The following PDZRN4 variants were observed in gnomAD, a reference collection of about 807,000 sequenced individuals.
PDZRN4 encodes the protein PDZ domain containing ring finger 4.
PDZRN4 carries 70 observed loss-of-function variants against 99.0 expected under a neutral mutation model. That is an observed-to-expected ratio of 0.71 (90% confidence interval 0.58 to 0.86). The LOEUF is 0.86. PDZRN4 is among the 40% of genes least tolerant of loss of function. The probability of loss-of-function intolerance (pLI) is 0.00; values close to 1 mark genes in which losing one functional copy is unlikely to be tolerated. For missense variants in PDZRN4, 1,474 were observed against 1,331.2 expected, an observed-to-expected ratio of 1.11 and a Z score of -1.67; for synonymous variants, 551 against 501.6, an observed-to-expected ratio of 1.10 and a Z score of -1.32.
At chr12:41,418,790 A>G (rs1362526880) in intron 3 of PDZRN4, among the ~76,000 whole-genome samples, 10 of 152,086 alleles carry the variant, frequency 6.6e-5, no homozygotes, top group Admixed American at 3.9e-4. Context: ...CAGCCAAGGG[A>G]AAAGGGTTTG....
intron 7 of PDZRN4, among the ~76,000 whole-genome samples, chr12:41,561,769 G>A (rs1939274774): frequency 6.6e-6 from 1 of 151,694 alleles, no homozygotes; most frequent in Non-Finnish European, 1.5e-5. Flanking sequence ...GAATAAACAG[G>A]TCCATGTTTG....
At chr12:41,565,387 A>G (rs1939347862) in intron 8 of PDZRN4, among the ~76,000 whole-genome samples, 1 of 152,092 alleles carries the variant, frequency 6.6e-6, no homozygotes, top group South Asian at 2.1e-4. Context: ...AATACATTTT[A>G]ATACCATACT....
At chr12:41,501,192 C>A (rs539071101) in intron 3 of PDZRN4, among the ~76,000 whole-genome samples, 39 of 152,230 alleles carry the variant, frequency 2.6e-4, no homozygotes, top group East Asian at 7.7e-4. Context: ...TGCTTAGAAG[C>A]CCTTATTTCT....
intron 3 of PDZRN4, among the ~76,000 whole-genome samples, chr12:41,334,539 A>T (rs912474164): frequency 2.0e-5 from 3 of 152,072 alleles, no homozygotes; most frequent in Non-Finnish European, 4.4e-5. Context: ...GCCAGACATG[A>T]TGGCTGGGAC....
Position 41,378,520 on chromosome 12 carries a change from A to ATTTTTTTTTTTTT in PDZRN4, c.844-127929_844-127917dup, listed in dbSNP as rs71081733. The stretch of plus-strand genomic sequence containing the variant: ...TTTGGAAGTGCTCCTTCTGTCTTCA[A>ATTTTTTTTTTTTT]TTTTTTTTTTTTTTTTTTTGAGACA... On this transcript the variant is annotated intron_variant, in intron 3 of 9. Coordinates refer to ENST00000402685, the MANE Select transcript of PDZRN4 (RefSeq NM_001164595.2). 2.7e-3 allele frequency among the ~76,000 whole-genome samples: 276 copies of ATTTTTTTTTTTTT among 102,806 alleles called. 16 individuals carry two copies. Among genetic ancestry groups the ATTTTTTTTTTTTT allele is most frequent in the African/African-American group, 8.8e-3 (236 of 26,730 alleles). 67.4% of individuals were successfully genotyped at this position (102,806 alleles called of 152,430 possible).
rs61141138 is a variant in PDZRN4, at chr12:41,260,922, C to T, written c.843+66734C>T. ...GCTGATTTTCTACAATATCACCCCC[C>T]GTAGTCAAGATAGTTTTAAATCTTG... On this transcript the variant is annotated intron_variant, in intron 3 of 9. Coordinates refer to ENST00000402685, the MANE Select transcript of PDZRN4 (RefSeq NM_001164595.2). Among the ~76,000 whole-genome samples, 292 of 152,146 alleles carry T rather than the reference C, an allele frequency of 1.9e-3. 3 individuals are homozygous for T. Among genetic ancestry groups the T allele is most frequent in the Middle Eastern group, 0.017 (5 of 294 alleles).
intron 1 of PDZRN4, among the ~76,000 whole-genome samples, chr12:41,189,383 T>C (rs1950720672): frequency 6.6e-6 from 1 of 152,176 alleles, no homozygotes; most frequent in African/African-American, 2.4e-5. Flanking sequence ...AAAACTCATT[T>C]TCCATCCAGA....
intron 3 of PDZRN4, among the ~76,000 whole-genome samples, chr12:41,369,553 T>C (rs1468164593): frequency 6.6e-6 from 1 of 152,014 alleles, no homozygotes; most frequent in Admixed American, 6.6e-5. Context: ...TCAAACTCCT[T>C]ATGACATTAA....
At chr12:41,545,097 TC>T (rs1938923288) in intron 5 of PDZRN4, among the ~76,000 whole-genome samples, 4 of 152,218 alleles carry the variant, frequency 2.6e-5, no homozygotes, top group Admixed American at 2.6e-4. Flanking sequence ...GCTGAAGTCA[TC>T]TTTCTAAACT....
At chr12:41,279,812 A>G (rs1951371608) in intron 3 of PDZRN4, among the ~76,000 whole-genome samples, 1 of 152,236 alleles carries the variant, frequency 6.6e-6, no homozygotes, top group Non-Finnish European at 1.5e-5. Context: ...ATGATTAATA[A>G]AAGCCCACCT....
chr12:41,422,577 T>A (rs1952501083), intron 3 of PDZRN4, among the ~76,000 whole-genome samples: 1 of 152,092 alleles, frequency 6.6e-6, no homozygotes, highest in African/African-American at 2.4e-5. Context: ...AGGACCTTCT[T>A]CACATGGTGA....
intron 3 of PDZRN4, among the ~76,000 whole-genome samples, chr12:41,391,908 T>C (rs998534237): frequency 6.6e-6 from 1 of 152,146 alleles, no homozygotes; most frequent in Non-Finnish European, 1.5e-5. Context: ...GGAGTGGTGT[T>C]TGTTTCAAAT....
chr12:41,479,751 T>C (rs190371233), intron 3 of PDZRN4, among the ~76,000 whole-genome samples: 51 of 152,282 alleles, frequency 3.3e-4, no homozygotes, highest in African/African-American at 1.2e-3. Context: ...GTTCAAGATA[T>C]CAATAACAAA....
intron 3 of PDZRN4, among the ~76,000 whole-genome samples, chr12:41,221,289 C>A (rs570515587): frequency 2.6e-5 from 4 of 152,258 alleles, no homozygotes; most frequent in African/African-American, 9.6e-5. Flanking sequence ...AGCACTTACT[C>A]GTCCTAACAC....
At chr12:41,381,328 T>TTC (rs893736686) in intron 3 of PDZRN4, among the ~76,000 whole-genome samples, 3 of 150,894 alleles carry the variant, frequency 2.0e-5, no homozygotes, top group Admixed American at 6.6e-5. Context: ...CTCTCTCTCT[T>TTC]TCTCTCTCTC....
chr12:41,399,784 CATT>C (rs1386742937), intron 3 of PDZRN4, among the ~76,000 whole-genome samples: 1 of 151,494 alleles, frequency 6.6e-6, no homozygotes, highest in Non-Finnish European at 1.5e-5. Context: ...TTAATATTGA[CATT>C]AACACAAGGG....
chr12:41,268,708 A>G (rs1451578220), intron 3 of PDZRN4, among the ~76,000 whole-genome samples: 1 of 152,180 alleles, frequency 6.6e-6, no homozygotes, highest in Non-Finnish European at 1.5e-5. Flanking sequence ...TTTCCAACAT[A>G]AAGAATTTTA....
intron 3 of PDZRN4, among the ~76,000 whole-genome samples, chr12:41,313,510 T>C (rs1951620439): frequency 6.6e-6 from 1 of 152,188 alleles, no homozygotes; most frequent in African/African-American, 2.4e-5. Context: ...TGCTCATTTG[T>C]CCTGGTGCCG....
At chr12:41,309,550 A>G (rs1034919270) in intron 3 of PDZRN4, among the ~76,000 whole-genome samples, 9 of 152,206 alleles carry the variant, frequency 5.9e-5, no homozygotes, top group African/African-American at 2.2e-4. Context: ...TTAAGTTTTC[A>G]ACACATGCTT....
Sources: gnomAD v4.1 joint callset for allele counts (sites outside exome capture counted in the v4.1 genomes callset) on GRCh38, gnomAD v4.1.1 for gene constraint, MANE v1.5 for transcripts, NCBI Gene and HGNC (gene_info 2026-07-23, HGNC 2026-07-21) for gene names.